Variants in VPS13D observed in about 807,000 individuals in gnomAD.
VPS13D encodes intermembrane lipid transfer protein VPS13D.
VPS13D carries 187 observed loss-of-function variants against 461.9 expected under a neutral mutation model. That is an observed-to-expected ratio of 0.40 (90% CI 0.36 to 0.46). VPS13D has a LOEUF of 0.46. Among genes scored for constraint, VPS13D ranks in the 20% least tolerant of loss-of-function variants. The probability of loss-of-function intolerance (pLI) is 0.60; values close to 1 mark genes in which losing one functional copy is unlikely to be tolerated. For missense variants in VPS13D, 4,711 were observed against 5,364.9 expected, an observed-to-expected ratio of 0.88 and a Z score of 3.81; for synonymous variants, 1,951 against 1,986.3, an observed-to-expected ratio of 0.98 and a Z score of 0.47.
chr1:12,486,293 T>G (rs528090201), intron 67 of VPS13D, among the ~76,000 whole-genome samples: 1 of 151,326 alleles, frequency 6.6e-6, no homozygotes, highest in East Asian at 1.9e-4. Flanking sequence ...TGAGGAGGAG[T>G]GGGTGATTGG....
intron 61 of VPS13D, 151 bp downstream of exon 61, chr1:12,400,481 A>G: frequency 2.0e-6 from 2 of 1,008,732 alleles, no homozygotes; most frequent in Non-Finnish European, 2.9e-6. Context: ...TGTTTGGAGG[A>G]ATTGACAGGA....
intron 67 of VPS13D, among the ~76,000 whole-genome samples, chr1:12,479,303 A>G (rs1645680248): frequency 6.6e-6 from 1 of 152,232 alleles, no homozygotes; most frequent in Admixed American, 6.5e-5. Context: ...TCAGCCAGTC[A>G]CGTTCTTTGG....
In VPS13D at chr1:12,354,174, A is replaced by C. The variant is rs1643866091; in HGVS notation, c.9632A>C (p.Lys3211Thr). The stretch of plus-strand genomic sequence containing the variant: ...ATTAATGGGACGCTGAAACCTGGCA[A>C]GGAGGCAGCTCTCCATACAGCTGAT... ...MPINGTLKPGKEAALHTADTS... is the reference protein window; with the variant it reads ...MPINGTLKPGTEAALHTADTS... The change falls in exon 47 of 70, where the codon AAG becomes ACG. Residue 3211 changes from lysine to threonine, a missense_variant. Coordinates refer to ENST00000620676, the MANE Select transcript of VPS13D (RefSeq NM_015378.4). The C allele has an allele frequency of 6.2e-7, 1 of 1,614,084 alleles. No individual in the cohort carries two copies. The highest frequency in any genetic ancestry group is 8.5e-7 in the Non-Finnish European group (1 of 1,180,044).
chr1:12,425,246 G>A (rs1333077157), intron 65 of VPS13D, among the ~76,000 whole-genome samples: 1 of 152,024 alleles, frequency 6.6e-6, no homozygotes, highest in Non-Finnish European at 1.5e-5. Context: ...GAATGTCTTG[G>A]TCAATATGAC....
At chr1:12,464,081 T>G (rs778316610) in intron 67 of VPS13D, among the ~76,000 whole-genome samples, 10 of 152,216 alleles carry the variant, frequency 6.6e-5, no homozygotes, top group Non-Finnish European at 1.0e-4. Flanking sequence ...ACTGTATCTC[T>G]TAGGAACATA....
chr1:12,263,049 C>T (rs574772696), intron 13 of VPS13D, among the ~76,000 whole-genome samples: 1 of 152,220 alleles, frequency 6.6e-6, no homozygotes, highest in African/African-American at 2.4e-5. Flanking sequence ...ATAACTCCAT[C>T]CTAAGTCAAG....
At chr1:12,469,326 A>G (rs2100445156) in intron 67 of VPS13D, among the ~76,000 whole-genome samples, 1 of 152,308 alleles carries the variant, frequency 6.6e-6, no homozygotes, top group East Asian at 1.9e-4. Flanking sequence ...AGTATTCTCT[A>G]ATGAGTATAC....
chr1:12,363,362 T>G (rs1643979602), intron 52 of VPS13D, 115 bp downstream of exon 52: 1 of 1,139,802 alleles, frequency 8.8e-7, no homozygotes, highest in Admixed American at 2.6e-5. Context: ...GACAGAGGTC[T>G]TAGAACTTGC....
rs569780362 is a variant in VPS13D at position 12,257,025 on chromosome 1, G to A, written c.879G>A (p.Leu293=). 211 of 1,614,112 alleles carry A rather than the reference G, an allele frequency of 1.3e-4. 4 individuals carry two copies. The South Asian group carries it at 1.8e-3, about 14-fold the overall frequency. Residue 293 remains leucine (L), a synonymous_variant, in exon 9 of 70, where the codon CTG becomes CTA. Transcript: ENST00000620676. ...AAATCATGGAATTCCTCAAGGAGCTGGAACGAAAGGAGAGGCAGGTGAAGT... is the reference window on the plus strand; with the variant it reads ...AAATCATGGAATTCCTCAAGGAGCTAGAACGAAAGGAGAGGCAGGTGAAGT... The part of the protein sequence containing the change: ...YRQIMEFLKE[L]ERKERQVKFR...
At position 12,376,498 on chromosome 1, in the gene VPS13D, G is replaced by A. The variant is rs1644200555; in HGVS notation, c.10918-1930G>A. Among the ~76,000 whole-genome samples, 3 of 152,188 alleles carry A rather than the reference G, an allele frequency of 2.0e-5. No homozygotes were observed. In the South Asian group the frequency reaches 6.2e-4, roughly 32 times the overall value. ...GTGCCAGGCATGTACTAATAAGCGT[G>A]TTACATTTATTACACTTATCACAAA... On this transcript the variant is annotated intron_variant, in intron 55 of 69. Transcript: ENST00000620676.
At chr1:12,303,673 A>G (rs951713650) in intron 25 of VPS13D, among the ~76,000 whole-genome samples, 1 of 152,236 alleles carries the variant, frequency 6.6e-6, no homozygotes, top group Non-Finnish European at 1.5e-5. Flanking sequence ...GAGTCAACAT[A>G]AAGGCAGCCC....
At position 12,356,460 on chromosome 1, in the gene VPS13D, C is replaced by T. The variant is rs1026724823; in HGVS notation, c.9934C>T (p.His3312Tyr). Residue 3312 changes from histidine (H) to tyrosine (Y), a missense_variant, in exon 49 of 70, where the codon CAT (histidine) becomes TAT (tyrosine). This residue lies in a region of VPS13D where 4,411 missense variants were observed against 4,937.8 expected (regional missense o/e 0.89). Coordinates refer to ENST00000620676, the MANE Select transcript of VPS13D (RefSeq NM_015378.4). ...AGATGCTGCAGGCCAGTTTGAGGAGCATGAGCTGGCCCGTAGCCTGAGTCC... is the reference window on the plus strand; with the variant it reads ...AGATGCTGCAGGCCAGTTTGAGGAGTATGAGCTGGCCCGTAGCCTGAGTCC... ...KTDAAGQFEE[H>Y]ELARSLSPLL... The T allele has an allele frequency of 6.2e-7, 1 of 1,614,022 alleles. No individual in the cohort carries two copies. The highest frequency in any genetic ancestry group is 8.5e-7 in the Non-Finnish European group (1 of 1,180,050).
chr1:12,365,022 C>T (rs1644014461), intron 52 of VPS13D, among the ~76,000 whole-genome samples: 1 of 152,182 alleles, frequency 6.6e-6, no homozygotes, highest in Non-Finnish European at 1.5e-5. Flanking sequence ...AAAGACTCTC[C>T]TTTCCCATTA....
Position 12,385,314 on chromosome 1 carries a change from C to T in VPS13D, c.11425C>T (p.Pro3809Ser). ...SSRSYEVDEL[P>S]VTEQELQKLK... ...CCGTTCATATGAAGTGGATGAACTTCCTGTCACCGAACAAGAGCTGCAGAA... is the reference window on the plus strand; with the variant it reads ...CCGTTCATATGAAGTGGATGAACTTTCTGTCACCGAACAAGAGCTGCAGAA... Residue 3809 changes from proline to serine, a missense_variant, in exon 59 of 70, where the codon CCT (proline) becomes TCT (serine). This residue lies in a region of VPS13D where 4,411 missense variants were observed against 4,937.8 expected (regional missense o/e 0.89). Coordinates refer to ENST00000620676, the MANE Select transcript of VPS13D (RefSeq NM_015378.4). 1 of 1,613,982 alleles carries T rather than the reference C, an allele frequency of 6.2e-7. No homozygotes were observed. Among genetic ancestry groups the T allele is most frequent in the Non-Finnish European group, 8.5e-7 (1 of 1,179,916 alleles).
At chr1:12,426,651 T>A (rs1644927375) in intron 65 of VPS13D, among the ~76,000 whole-genome samples, 1 of 152,198 alleles carries the variant, frequency 6.6e-6, no homozygotes, top group African/African-American at 2.4e-5. Context: ...AGATGCTTAG[T>A]GACACCATTG....
At chr1:12,393,978 G>A (rs1644462362) in intron 60 of VPS13D, among the ~76,000 whole-genome samples, 1 of 152,142 alleles carries the variant, frequency 6.6e-6, no homozygotes, top group Admixed American at 6.5e-5. Context: ...TGGGTCCCCT[G>A]AAATCAACGT....
Position 12,276,654 on chromosome 1 carries a change from A to G in VPS13D, c.3066A>G (p.Ser1022=). The G allele has an allele frequency of 3.7e-6, 6 of 1,614,212 alleles. No individual in the cohort carries two copies. The highest frequency in any genetic ancestry group is 5.1e-6 in the Non-Finnish European group (6 of 1,180,036). Residue 1022 remains serine, a synonymous_variant, in exon 19 of 70, where the codon TCA becomes TCG. Coordinates refer to ENST00000620676, the MANE Select transcript of VPS13D (RefSeq NM_015378.4). The surrounding 1 kb of genome is among the most constrained non-coding windows in gnomAD (Gnocchi z 4.5). ...YGADFDLLMA[S]HKNLSFDIPT... ...CTGATTTTGACCTTTTGATGGCTTC[A>G]CATAAGAACTTGAGCTTTGATATTC...
chr1:12,371,024 T>C (rs529914659), intron 54 of VPS13D, among the ~76,000 whole-genome samples: 3 of 152,304 alleles, frequency 2.0e-5, no homozygotes, highest in South Asian at 2.1e-4. Flanking sequence ...AAGGAATAAA[T>C]GATGAGGAAG....
At chr1:12,235,893 A>G (rs1049465152) in intron 2 of VPS13D, among the ~76,000 whole-genome samples, 1 of 152,240 alleles carries the variant, frequency 6.6e-6, no homozygotes, top group Non-Finnish European at 1.5e-5. Flanking sequence ...GGGCCTAGAA[A>G]GAGAGCTGCA....
Sources: gnomAD v4.1 joint callset for allele counts (sites outside exome capture counted in the v4.1 genomes callset) on GRCh38, gnomAD v4.1.1 for gene constraint, gnomAD v4.1.1 regional missense constraint, Gnocchi (gnomAD v3.1) non-coding constraint, MANE v1.5 for transcripts, NCBI Gene and HGNC (gene_info 2026-07-23, HGNC 2026-07-21) for gene names.